TLR5: variants seen among roughly 807,000 people sequenced by gnomAD.
TLR5 encodes toll-like receptor 5.
For synonymous variants in TLR5, 373 were observed against 384.4 expected (o/e 0.97, Z 0.35); for missense variants, 944 against 999.8 (o/e 0.94, Z 0.75).
At chr1:223,117,340 G>C (rs888792133) in intron 5 of TLR5, among the ~76,000 whole-genome samples, 5 of 151,964 alleles carry the variant, frequency 3.3e-5, no homozygotes, top group Non-Finnish European at 5.9e-5. Context: ...CCAGCAAGCA[G>C]AGGGATCCTG....
At chr1:223,119,849 T>C (rs1396832247) in intron 5 of TLR5, among the ~76,000 whole-genome samples, 4 of 148,876 alleles carry the variant, frequency 2.7e-5, no homozygotes, top group African/African-American at 7.5e-5. Context: ...ACTTGGGAGG[T>C]TGAAGCATGA....
In TLR5 at chr1:223,112,434, A is replaced by T; in HGVS notation, c.598T>A (p.Phe200Ile). The change falls in exon 6 of 6, where the codon TTT (phenylalanine) becomes ATT (isoleucine). Residue 200 changes from phenylalanine to isoleucine, a missense_variant. Transcript: ENST00000642603. ...AAGCTATTAGCTGCGAGGCTAAAAA[A>T]GGAGAGCGTTTTCCCTTGTAGGGGC... The part of the protein sequence containing the change: ...LEPLQGKTLS[F>I]FSLAANSLYS... 6.2e-7 allele frequency: 1 copy of T among 1,614,248 alleles called. No homozygotes were observed. Among genetic ancestry groups the T allele is most frequent in the Non-Finnish European group, 8.5e-7 (1 of 1,180,038 alleles).
intron 3 of TLR5, among the ~76,000 whole-genome samples, chr1:223,135,157 G>C (rs1657557974): frequency 6.6e-6 from 1 of 152,194 alleles, no homozygotes; most frequent in Non-Finnish European, 1.5e-5. Context: ...TGCAAGGTAA[G>C]CCCTGAAGAG....
In TLR5 at chr1:223,132,628, C is replaced by T. The variant is rs56207035; in HGVS notation, c.-158G>A. On this transcript the variant is annotated 5_prime_UTR_variant, in exon 5 of 6. Transcript: ENST00000642603. ...TTTTTTGGTGAATCAGGAGAAAGGA[C>T]TTTTTGTTTTCCTAAGGGAAAATAG... 2.6e-5 allele frequency: 4 copies of T among 152,292 alleles called. No individual in the cohort carries two copies. In the South Asian group the frequency reaches 8.3e-4, roughly 32 times the overall value. The allele number at this position is 152,292 out of a possible 1,614,324, so 9.4% of individuals were successfully genotyped here.
rs147584016 is a variant in TLR5 at position 223,113,600 on chromosome 1, T to C, written c.-4-565A>G. On this transcript the variant is annotated intron_variant, in intron 5 of 5. Coordinates refer to ENST00000642603, the MANE Select transcript of TLR5 (RefSeq NM_003268.6). ...AAACATTTCACTTAATCTTTTCTTT[T>C]AAAAAAATTTTATTTATTATTCTAA... Among the ~76,000 whole-genome samples the C allele has an allele frequency of 4.7e-3, 709 of 152,128 alleles. 22 individuals are homozygous for C. The East Asian group carries it at 0.067, about 14-fold the overall frequency.
rs369208649 is a variant in TLR5, at chr1:223,137,260, C to T, written c.-435G>A. 3 of 152,170 alleles carry T rather than the reference C, an allele frequency of 2.0e-5. No homozygotes were observed. Among genetic ancestry groups the T allele is most frequent in the East Asian group, 3.9e-4 (2 of 5,186 alleles). The allele number at this position is 152,170 out of a possible 1,614,324, so 9.4% of individuals were successfully genotyped here. A position where few individuals can be genotyped will look rare whatever the true frequency, so the allele number is the denominator to read the frequency against. On this transcript the variant is annotated 5_prime_UTR_variant, in exon 3 of 6. Coordinates refer to ENST00000642603, the MANE Select transcript of TLR5 (RefSeq NM_003268.6). ...GTAGTAGTGTCAGGAACATGAACAT[C>T]AATCTATGGTAAAATACAAACTTAC...
chr1:223,121,276 G>T (rs1399267373), intron 5 of TLR5, among the ~76,000 whole-genome samples: 1 of 152,026 alleles, frequency 6.6e-6, no homozygotes, highest in Non-Finnish European at 1.5e-5. Context: ...ATCCAAGTTA[G>T]GACAGTATAT....
At chr1:223,113,782 T>G (rs910505859) in intron 5 of TLR5, among the ~76,000 whole-genome samples, 3 of 152,080 alleles carry the variant, frequency 2.0e-5, no homozygotes, top group African/African-American at 7.2e-5. Context: ...TTATAATAAC[T>G]CTATGTTTCT....
intron 5 of TLR5, among the ~76,000 whole-genome samples, chr1:223,116,580 T>A (rs917018148): frequency 3.9e-5 from 6 of 152,104 alleles, no homozygotes; most frequent in African/African-American, 1.4e-4. Flanking sequence ...CCTTCCACGG[T>A]GTGAAAGACG....
chr1:223,142,437 C>T (rs1387559357), intron 1 of TLR5, among the ~76,000 whole-genome samples: 1 of 152,192 alleles, frequency 6.6e-6, no homozygotes, highest in African/African-American at 2.4e-5. Context: ...GAGAAAGCCG[C>T]AGCCGTCGAT....
At chr1:223,138,592 T>C (rs1467618890) in intron 2 of TLR5, among the ~76,000 whole-genome samples, 1 of 152,168 alleles carries the variant, frequency 6.6e-6, no homozygotes, top group African/African-American at 2.4e-5. Context: ...TTCAGTTGAC[T>C]CTAGAACATT....
chr1:223,122,956 T>C (rs1421069416), intron 5 of TLR5, among the ~76,000 whole-genome samples: 1 of 152,190 alleles, frequency 6.6e-6, no homozygotes, highest in Non-Finnish European at 1.5e-5. Context: ...AGAGGGTAAA[T>C]ATTTTAGGTT....
At chr1:223,117,662 G>A (rs1025862734) in intron 5 of TLR5, among the ~76,000 whole-genome samples, 2 of 151,974 alleles carry the variant, frequency 1.3e-5, no homozygotes, top group Non-Finnish European at 2.9e-5. Flanking sequence ...GATTGGATCT[G>A]TTCGAGGACC....
At chr1:223,128,585 C>G (rs147707502) in intron 5 of TLR5, 1 of 152,034 alleles carries the variant, frequency 6.6e-6, no homozygotes, top group African/African-American at 2.4e-5. Context: ...GAACCTAAGT[C>G]TGTTTCACAC....
At chr1:223,115,727 G>A (rs928121280) in intron 5 of TLR5, among the ~76,000 whole-genome samples, 11 of 152,166 alleles carry the variant, frequency 7.2e-5, no homozygotes, top group African/African-American at 2.4e-4. Context: ...AGGAGATGGG[G>A]GTGCCATGGC....
chr1:223,124,945 C>T (rs1657108533), intron 5 of TLR5, among the ~76,000 whole-genome samples: 1 of 152,100 alleles, frequency 6.6e-6, no homozygotes, highest in African/African-American at 2.4e-5. Flanking sequence ...TGTTTGATAT[C>T]AGAGGGGAAG....
chr1:223,112,871 C>A lies in TLR5; in HGVS notation c.161G>T (p.Ser54Ile). Residue 54 changes from serine to isoleucine, a missense_variant, in exon 6 of 6, where the codon AGC (serine) becomes ATC (isoleucine). By Grantham distance (142) the Ser-to-Ile change is moderately radical (BLOSUM62 -2). Transcript: ENST00000642603. ...AGTGACTGTCCTGATATAGTTGAAG[C>A]TCAGCAGGAGCCTCTCAGTGGTGTT... ...VLNTTERLLL[S>I]FNYIRTVTAS... 1 of 1,613,980 alleles carries A rather than the reference C, an allele frequency of 6.2e-7. No homozygotes were observed. The highest frequency in any genetic ancestry group is 1.3e-5 in the African/African-American group (1 of 75,018).
At chr1:223,119,948 A>AAAAATAAAAT (rs1158997556) in intron 5 of TLR5, among the ~76,000 whole-genome samples, 1 of 45,888 alleles carries the variant, frequency 2.2e-5, no homozygotes, top group Admixed American at 2.6e-4. Context: ...AGACTGTCTC[A>AAAAATAAAAT]AAAATAAAAT....
chr1:223,124,493 A>C (rs1657087894), intron 5 of TLR5, among the ~76,000 whole-genome samples: 1 of 152,150 alleles, frequency 6.6e-6, no homozygotes, highest in Admixed American at 6.5e-5. Context: ...AGCCCCCTTA[A>C]GGTAGCACAG....
Sources: allele counts gnomAD v4.1 joint callset (sites outside exome capture counted in the v4.1 genomes callset), GRCh38; gene constraint gnomAD v4.1.1; transcripts MANE v1.5; gene names NCBI Gene and HGNC (gene_info 2026-07-23, HGNC 2026-07-21).